Variants in EIF4E2 observed in about 807,000 individuals in gnomAD.
EIF4E2 encodes eukaryotic translation initiation factor 4E family member 2.
In EIF4E2, 13 loss-of-function variants were observed where a neutral mutation model predicts 34.2. That is an observed-to-expected ratio of 0.38 (90% confidence interval 0.25 to 0.60). The LOEUF (loss-of-function observed/expected upper bound fraction) is 0.60. EIF4E2 is among the 20% of genes least tolerant of loss of function. The probability of loss-of-function intolerance (pLI) is 0.62; values close to 1 mark genes in which losing one functional copy is unlikely to be tolerated. For missense variants in EIF4E2, 222 were observed against 315.1 expected (o/e 0.70, Z 2.24); for synonymous variants, 100 against 106.6 (o/e 0.94, Z 0.38).
chr2:232,563,680 A>G (rs1692807627), intron 3 of EIF4E2, among the ~76,000 whole-genome samples: 1 of 152,288 alleles, frequency 6.6e-6, no homozygotes, highest in Non-Finnish European at 1.5e-5. Flanking sequence ...ACTTACGCTT[A>G]GTAACTAAAC....
chr2:232,578,128 A>G (rs985339450), intron 6 of EIF4E2, among the ~76,000 whole-genome samples: 1 of 152,194 alleles, frequency 6.6e-6, no homozygotes, highest in Non-Finnish European at 1.5e-5. Context: ...CATCACTGCC[A>G]CCAGCCTGTG....
In EIF4E2 at chr2:232,567,067, TC is replaced by T. The variant is rs1292613953; in HGVS notation, c.529-9del. On this transcript the variant is annotated splice_polypyrimidine_tract_variant and intron_variant, in intron 5 of 6. Coordinates refer to ENST00000258416, the MANE Select transcript of EIF4E2 (RefSeq NM_004846.4). ...GATTTGCTTTGATGATTCCTTCTGT[TC>T]CTCTGGTAGGAAGACATTATTTCAA... is the stretch of plus-strand genomic sequence containing the variant. 1.4e-5 allele frequency: 22 copies of T among 1,611,858 alleles called. No homozygotes were observed. The highest frequency in any genetic ancestry group is 1.6e-5 in the Non-Finnish European group (19 of 1,178,880).
At chr2:232,560,705 A>G (rs1409430391) in intron 3 of EIF4E2, among the ~76,000 whole-genome samples, 2 of 152,236 alleles carry the variant, frequency 1.3e-5, no homozygotes, top group Admixed American at 1.3e-4. Context: ...AATATTGCAA[A>G]TCATATCTAA....
At chr2:232,550,993 G>T (rs990825270) in intron 1 of EIF4E2, 51 of 612,596 alleles carry the variant, frequency 8.3e-5, no homozygotes, top group Non-Finnish European at 1.3e-4. Flanking sequence ...TGGCTGTGCC[G>T]CCCGGTAGGG....
At position 232,569,158 on chromosome 2, in the gene EIF4E2, C is replaced by A; in HGVS notation, c.*141C>A. 6.8e-7 allele frequency: 1 copy of A among 1,466,992 alleles called. No homozygotes were observed. Among genetic ancestry groups the A allele is most frequent in the Admixed American group, 2.5e-5 (1 of 40,508 alleles). 90.9% of individuals were successfully genotyped at this position (1,466,992 alleles called of 1,614,324 possible). On this transcript the variant is annotated 3_prime_UTR_variant, in exon 7 of 7. Coordinates refer to ENST00000258416, the MANE Select transcript of EIF4E2 (RefSeq NM_004846.4). ...ATTTTATGTTTTAAGAACAGGCTGACACGCAGCAGCTACAACAACAGCTGA... is the reference window on the plus strand; with the variant it reads ...ATTTTATGTTTTAAGAACAGGCTGAAACGCAGCAGCTACAACAACAGCTGA...
chr2:232,555,812 A>G (rs1692498046), intron 1 of EIF4E2, among the ~76,000 whole-genome samples: 1 of 152,204 alleles, frequency 6.6e-6, no homozygotes, highest in African/African-American at 2.4e-5. Flanking sequence ...ACTTTATCTT[A>G]GAGGGTAGGC....
At chr2:232,574,224 C>A in intron 6 of EIF4E2, 1 of 1,541,286 alleles carries the variant, frequency 6.5e-7, no homozygotes, top group Non-Finnish European at 8.8e-7. Context: ...AGCTTTTGAT[C>A]TGAATGTGCT....
At chr2:232,568,150 C>G in intron 6 of EIF4E2, 1 of 922,120 alleles carries the variant, frequency 1.1e-6, no homozygotes, top group Non-Finnish European at 1.3e-6. Context: ...GTATTGCTAT[C>G]ATCATCATCA....
chr2:232,568,786 C>G (rs1399499622), intron 6 of EIF4E2, 159 bp from the exon 7 acceptor site: 4 of 985,334 alleles, frequency 4.1e-6, no homozygotes, highest in South Asian at 9.4e-5. Context: ...AAAGACTGGC[C>G]TGCTGCTCTC....
chr2:232,560,514 G>A (rs3021411), intron 3 of EIF4E2, among the ~76,000 whole-genome samples: 46,494 of 152,122 alleles, frequency 0.31, 7,650 homozygotes, highest in Admixed American at 0.41. Flanking sequence ...GGTGGCTCAC[G>A]CCTGTAATCC....
At chr2:232,575,467 T>A (rs565852897) in intron 6 of EIF4E2, among the ~76,000 whole-genome samples, 1 of 152,264 alleles carries the variant, frequency 6.6e-6, no homozygotes, top group Admixed American at 6.5e-5. Flanking sequence ...CTTTAAGATA[T>A]AGTCAACATT....
intron 3 of EIF4E2, among the ~76,000 whole-genome samples, chr2:232,560,813 C>G (rs754396681): frequency 1.3e-5 from 2 of 152,124 alleles, no homozygotes; most frequent in Non-Finnish European, 2.9e-5. Context: ...CAGCCTAAAG[C>G]AAAGATCTTG....
At chr2:232,563,895 A>G (rs970252303) in intron 3 of EIF4E2, among the ~76,000 whole-genome samples, 15 of 152,218 alleles carry the variant, frequency 9.9e-5, no homozygotes, top group African/African-American at 3.4e-4. Flanking sequence ...CCATTGTGCA[A>G]AAACCTGGTC....
intron 3 of EIF4E2, among the ~76,000 whole-genome samples, chr2:232,563,659 T>C (rs1327264215): frequency 6.6e-6 from 1 of 152,244 alleles, no homozygotes; most frequent in East Asian, 1.9e-4. Context: ...GTACATGTGG[T>C]TGATTCTATC....
rs537052055 is a variant in EIF4E2, at chr2:232,568,659, C to T, written c.666-286C>T. ...TATTTTTCATCAATTCTCCCCTTCT[C>T]TGCTCTTCTCCCTTTCTAATACCAT... On this transcript the variant is annotated intron_variant, in intron 6 of 6. Coordinates refer to ENST00000258416, the MANE Select transcript of EIF4E2 (RefSeq NM_004846.4). 10 of 985,352 alleles carry T rather than the reference C, an allele frequency of 1.0e-5. No homozygotes were observed. The East Asian group carries it at 1.1e-3, about 112-fold the overall frequency. 61.0% of individuals were successfully genotyped at this position (985,352 alleles called of 1,614,324 possible).
chr2:232,569,336 C>T, downstream of EIF4E2: 1 of 935,078 alleles, frequency 1.1e-6, no homozygotes, highest in Non-Finnish European at 1.4e-6. Context: ...AGCCTCATTT[C>T]CATAAGCCCA....
intron 6 of EIF4E2, among the ~76,000 whole-genome samples, chr2:232,579,623 C>G (rs1453913836): frequency 6.6e-6 from 1 of 152,142 alleles, no homozygotes; most frequent in Non-Finnish European, 1.5e-5. Context: ...CATATTCTTT[C>G]CTTAGCACAT....
intron 6 of EIF4E2, among the ~76,000 whole-genome samples, chr2:232,578,224 C>A (rs1457435582): frequency 1.3e-5 from 2 of 152,224 alleles, no homozygotes; most frequent in Non-Finnish European, 2.9e-5. Flanking sequence ...CAGCTGGATT[C>A]TCCTGGCTTT....
chr2:232,567,284 G>A (rs1692969303), intron 6 of EIF4E2, 70 bp downstream of exon 6: 1 of 1,598,396 alleles, frequency 6.3e-7, no homozygotes, highest in East Asian at 2.2e-5. Flanking sequence ...GTTGGGCCCA[G>A]AGGAATATGG....
Sources: gnomAD v4.1 joint callset for allele counts (sites outside exome capture counted in the v4.1 genomes callset) on GRCh38, gnomAD v4.1.1 for gene constraint, MANE v1.5 for transcripts, NCBI Gene and HGNC (gene_info 2026-07-23, HGNC 2026-07-21) for gene names.